CFAP44: variants seen among roughly 807,000 people sequenced by gnomAD.
The protein encoded by CFAP44 is cilia and flagella associated protein 44, also known as cilia- and flagella-associated protein 44.
A neutral mutation model predicts 216.2 loss-of-function variants in CFAP44; 134 were observed. The observed-to-expected ratio is 0.62, with a 90% CI of 0.54 to 0.72. The LOEUF (loss-of-function observed/expected upper bound fraction) is 0.72. Among genes scored for constraint, CFAP44 ranks in the 30% least tolerant of loss-of-function variants. CFAP44 has a pLI of 0.00. For synonymous variants in CFAP44, 700 were observed against 727.6 expected (o/e 0.96, Z 0.61); for missense variants, 2,035 against 2,182.1 (o/e 0.93, Z 1.34).
chr3:113,396,630 C>G lies in CFAP44; in HGVS notation c.1667G>C (p.Gly556Ala). The G allele has an allele frequency of 6.2e-7, 1 of 1,614,058 alleles. No individual in the cohort carries two copies. Among genetic ancestry groups the G allele is most frequent in the South Asian group, 1.1e-5 (1 of 91,076 alleles). ...ATCAGCATCCAAAATTTTCTTCCGTCCCGCAAAAATCGTGAGCCCTTTTGG... is the reference window on the plus strand; with the variant it reads ...ATCAGCATCCAAAATTTTCTTCCGTGCCGCAAAAATCGTGAGCCCTTTTGG... The part of the protein sequence containing the change: ...YDPKGLTIFA[G>A]RKKILDADIQ... The change falls in exon 14 of 35, where the codon GGA becomes GCA. Residue 556 changes from glycine (G) to alanine (A), a missense_variant. Physicochemically the swap from Gly to Ala is moderately conservative, Grantham distance 60 (BLOSUM62 0). Coordinates refer to ENST00000393845, the MANE Select transcript of CFAP44 (RefSeq NM_001164496.2).
Position 113,305,172 on chromosome 3 carries a change from G to A in CFAP44, c.4759-20C>T, listed in dbSNP as rs568486071. ...TTTCACCTGTAGAAAGCCCCGTGTT[G>A]TGAAATGGTGACAAGACTCAATAAA... On this transcript the variant is annotated intron_variant, in intron 30 of 34. Transcript: ENST00000393845. 4 of 1,525,828 alleles carry A rather than the reference G, an allele frequency of 2.6e-6. No individual in the cohort carries two copies. The highest frequency in any genetic ancestry group is 1.4e-5 in the African/African-American group (1 of 72,892). 94.5% of individuals were successfully genotyped at this position (1,525,828 alleles called of 1,614,324 possible).
Position 113,400,580 on chromosome 3 carries a change from G to A in CFAP44, c.1439C>T (p.Pro480Leu), listed in dbSNP as rs750434192. The A allele has an allele frequency of 6.2e-7, 1 of 1,610,330 alleles. No individual in the cohort carries two copies. Among genetic ancestry groups the A allele is most frequent in the East Asian group, 2.2e-5 (1 of 44,812 alleles). ...AGTTGTGGCCATGAGATAAGTGAGA[G>A]GAGAAACAGCCACGGCTTCAATAGC... ...SGAIEAVAVS[P>L]LTYLMATTAL... is the part of the protein sequence containing the mutation. Residue 480 changes from proline (P) to leucine (L), a missense_variant, in exon 12 of 35, where the codon CCT becomes CTT. Transcript: ENST00000393845.
intron 26 of CFAP44, among the ~76,000 whole-genome samples, chr3:113,329,553 G>A (rs1233788182): frequency 1.3e-5 from 2 of 152,140 alleles, no homozygotes; most frequent in Non-Finnish European, 2.9e-5. Context: ...TGAGGAAAGG[G>A]AATCTACATG....
chr3:113,404,058 T>A, intron 8 of CFAP44, 42 bp from the exon 9 acceptor site: 1 of 1,543,842 alleles, frequency 6.5e-7, no homozygotes, highest in Non-Finnish European at 8.8e-7. Flanking sequence ...TTAAAACAGG[T>A]AAGTGTACAT....
chr3:113,293,566 A>T (rs747278567), intron 34 of CFAP44, among the ~76,000 whole-genome samples: 2 of 152,158 alleles, frequency 1.3e-5, no homozygotes, highest in African/African-American at 4.8e-5. Flanking sequence ...TTCCTCTCCA[A>T]TGTATCTGGA....
At chr3:113,404,381 G>A (rs1184411008) in intron 8 of CFAP44, among the ~76,000 whole-genome samples, 3 of 152,146 alleles carry the variant, frequency 2.0e-5, no homozygotes, top group Non-Finnish European at 2.9e-5. Flanking sequence ...AATTTTAGAT[G>A]TTAGATAACT....
chr3:113,407,620 C>T (rs1233992897), intron 7 of CFAP44, among the ~76,000 whole-genome samples: 1 of 152,184 alleles, frequency 6.6e-6, no homozygotes, highest in Non-Finnish European at 1.5e-5. Context: ...GTAACATCTA[C>T]CTCATAGAAT....
intron 28 of CFAP44, among the ~76,000 whole-genome samples, chr3:113,314,248 C>A (rs1158126824): frequency 1.3e-5 from 2 of 152,002 alleles, no homozygotes; most frequent in Non-Finnish European, 2.9e-5. Flanking sequence ...CTTCTGAAAA[C>A]TAAAGACAAA....
At chr3:113,308,090 AG>A (rs1461597473) in intron 29 of CFAP44, 67 bp downstream of exon 29, 10 of 1,243,038 alleles carry the variant, frequency 8.0e-6, no homozygotes, top group Admixed American at 2.7e-5. Flanking sequence ...GAAACCAAAA[AG>A]GGTCTTCCCA....
intron 28 of CFAP44, among the ~76,000 whole-genome samples, chr3:113,319,908 C>A (rs1208523060): frequency 6.6e-6 from 1 of 151,970 alleles, no homozygotes; most frequent in African/African-American, 2.4e-5. Flanking sequence ...CCCACAGAAA[C>A]ACAAAAGATA....
intron 29 of CFAP44, 36 bp downstream of exon 29, chr3:113,308,122 C>G: frequency 6.8e-7 from 1 of 1,474,430 alleles, no homozygotes. Context: ...TCAATATTCA[C>G]ACTTCACAGA....
chr3:113,333,084 T>TAATC (rs1478210007), intron 25 of CFAP44, among the ~76,000 whole-genome samples: 1 of 152,194 alleles, frequency 6.6e-6, no homozygotes, highest in Non-Finnish European at 1.5e-5. Context: ...AACTCCGACC[T>TAATC]AGATTACCAG....
At chr3:113,389,680 C>T (rs962340168) in intron 15 of CFAP44, among the ~76,000 whole-genome samples, 1 of 151,972 alleles carries the variant, frequency 6.6e-6, no homozygotes, top group African/African-American at 2.4e-5. Flanking sequence ...GACATTACAA[C>T]TGATACCACA....
At chr3:113,397,491 G>C (rs974904296) in intron 13 of CFAP44, 1 of 152,250 alleles carries the variant, frequency 6.6e-6, no homozygotes, top group Non-Finnish European at 1.5e-5. Context: ...GGAAGTGGTA[G>C]TGACATGGTC....
At chr3:113,407,699 C>A (rs893523640) in intron 7 of CFAP44, among the ~76,000 whole-genome samples, 3 of 152,098 alleles carry the variant, frequency 2.0e-5, no homozygotes, top group African/African-American at 4.8e-5. Flanking sequence ...CTAACATTTT[C>A]TTATTAATAG....
intron 1 of CFAP44, among the ~76,000 whole-genome samples, chr3:113,438,654 T>C (rs1935289395): frequency 6.6e-6 from 1 of 152,206 alleles, no homozygotes; most frequent in African/African-American, 2.4e-5. Flanking sequence ...GCACATTCTG[T>C]TCATGCTCAG....
intron 2 of CFAP44, among the ~76,000 whole-genome samples, chr3:113,433,234 G>A (rs905546937): frequency 6.6e-6 from 1 of 151,608 alleles, no homozygotes. Flanking sequence ...TTCGAGACCA[G>A]CCTGACCAAT....
At position 113,305,080 on chromosome 3, in the gene CFAP44, G is replaced by A. The variant is rs775576813; in HGVS notation, c.4831C>T (p.Arg1611Trp). The change falls in exon 31 of 35, where the codon CGG (arginine) becomes TGG (tryptophan). Residue 1611 changes from arginine (R) to tryptophan (W), a missense_variant. Transcript: ENST00000393845. Reference protein sequence around the residue: ...LEAYQREKQQRLNELLVVIPL... With the variant: ...LEAYQREKQQWLNELLVVIPL... ...ATCACAACTAGCAGTTCATTCAGCC[G>A]CTGCTGCTTCTCTCGCTGATAAGCC... 46 of 1,537,102 alleles carry A rather than the reference G, an allele frequency of 3.0e-5. No homozygotes were observed. Among genetic ancestry groups the A allele is most frequent in the South Asian group, 2.6e-4 (22 of 84,056 alleles).
At position 113,341,765 on chromosome 3, in the gene CFAP44, C is replaced by A; in HGVS notation, c.3416G>T (p.Arg1139Leu). 1 of 1,480,172 alleles carries A rather than the reference C, an allele frequency of 6.8e-7. No homozygotes were observed. 91.7% of individuals were successfully genotyped at this position (1,480,172 alleles called of 1,614,324 possible). Residue 1139 changes from arginine to leucine, a missense_variant, in exon 24 of 35, where the codon CGA becomes CTA. Physicochemically the swap from Arg to Leu is moderately radical, Grantham distance 102 (BLOSUM62 -2). Around this residue, in one of 3 missense-constraint regions of CFAP44, gnomAD observed 1,883 missense variants for 2,023.7 expected, o/e 0.93. Transcript: ENST00000393845. ...AERAQLKIQQ[R>L]KKEWEELYKS... ...TCACAGTTCCTCCCATTCTTTTTTT[C>A]GCTGTTGAATCTTTAGTTGTGCCCT...
Sources: gnomAD v4.1 joint callset for allele counts (sites outside exome capture counted in the v4.1 genomes callset) on GRCh38, gnomAD v4.1.1 for gene constraint, gnomAD v4.1.1 regional missense constraint, MANE v1.5 for transcripts, NCBI Gene and HGNC (gene_info 2026-07-23, HGNC 2026-07-21) for gene names.